The following LRRC4C variants were observed in gnomAD, a reference collection of about 807,000 sequenced individuals.
LRRC4C encodes the protein leucine rich repeat containing 4C.
Under a neutral mutation model 33.6 loss-of-function variants are expected in LRRC4C, and 5 were observed. That is an observed-to-expected ratio of 0.15 (90% confidence interval 0.08 to 0.31). The LOEUF is 0.31. Among genes scored for constraint, LRRC4C ranks in the 10% least tolerant of loss-of-function variants. LRRC4C has a pLI of 1.00. For missense variants in LRRC4C, 560 were observed against 796.7 expected (o/e 0.70, Z 3.58); for synonymous variants, 329 against 302.0 (o/e 1.09, Z -0.93).
chr11:41,433,923 A>G (rs897254163), intron 1 of LRRC4C, among the ~76,000 whole-genome samples: 5 of 152,016 alleles, frequency 3.3e-5, no homozygotes, highest in Non-Finnish European at 7.4e-5. Flanking sequence ...AGTTGCTCCC[A>G]CTAACCCATA....
At chr11:41,144,642 C>T (rs1590742230) in intron 1 of LRRC4C, among the ~76,000 whole-genome samples, 1 of 152,070 alleles carries the variant, frequency 6.6e-6, no homozygotes, top group Non-Finnish European at 1.5e-5. Flanking sequence ...TTCATTCAAC[C>T]TGTACATGGC....
At chr11:41,116,953 T>C (rs896942873) in intron 1 of LRRC4C, among the ~76,000 whole-genome samples, 1 of 152,200 alleles carries the variant, frequency 6.6e-6, no homozygotes, top group South Asian at 2.1e-4. Context: ...TGACTGCAGC[T>C]CTCACATCAA....
chr11:40,994,618 A>G (rs553035981), intron 1 of LRRC4C, among the ~76,000 whole-genome samples: 4 of 152,142 alleles, frequency 2.6e-5, no homozygotes, highest in Non-Finnish European at 4.4e-5. Flanking sequence ...TTTTCCCTAA[A>G]CTGCATCTCT....
In LRRC4C at chr11:40,205,774, C is replaced by T. The variant is rs114084165; in HGVS notation, c.-96+35745G>A. Among the ~76,000 whole-genome samples the T allele has an allele frequency of 3.0e-3, 452 of 152,184 alleles. 2 individuals are homozygous for T. The highest frequency in any genetic ancestry group is 0.01 in the African/African-American group (432 of 41,532). ...ATTTTATTATTTGACCAACTAGGTT[C>T]TTCATCAAAGAAAATATCATTAAGT... On this transcript the variant is annotated intron_variant, in intron 5 of 6. Transcript: ENST00000528697.
chr11:41,297,266 C>T (rs554359906), intron 1 of LRRC4C, among the ~76,000 whole-genome samples: 5 of 152,134 alleles, frequency 3.3e-5, no homozygotes, highest in East Asian at 3.9e-4. Flanking sequence ...CTTTTTGATG[C>T]GTTATTGGAT....
intron 4 of LRRC4C, among the ~76,000 whole-genome samples, chr11:40,244,393 C>A (rs1866166015): frequency 6.6e-6 from 1 of 152,078 alleles, no homozygotes; most frequent in African/African-American, 2.4e-5. Flanking sequence ...AAGCCCAGAT[C>A]CACCAAATAA....
chr11:40,806,769 T>C (rs903485305), intron 2 of LRRC4C, among the ~76,000 whole-genome samples: 2 of 152,224 alleles, frequency 1.3e-5, no homozygotes, highest in African/African-American at 2.4e-5. Context: ...ATCTGCTTAC[T>C]ACATCTACTA....
At chr11:40,479,705 C>T (rs1013922272) in intron 3 of LRRC4C, among the ~76,000 whole-genome samples, 1 of 152,048 alleles carries the variant, frequency 6.6e-6, no homozygotes, top group Non-Finnish European at 1.5e-5. Context: ...CTGGTATTGA[C>T]TGATCATTTT....
In LRRC4C at chr11:41,456,376, C is replaced by CT. The variant is rs112825889; in HGVS notation, c.-496+3054dup. On this transcript the variant is annotated intron_variant, in intron 1 of 6. Coordinates refer to ENST00000528697, the MANE Select transcript of LRRC4C (RefSeq NM_001258419.2). ...ACTTCTTACTAGGTGATGTTCCTGGCTTTTTTTTTTTAAAGGTTCTCAGTA... is the reference window on the plus strand; with the variant it reads ...ACTTCTTACTAGGTGATGTTCCTGGCTTTTTTTTTTTTAAAGGTTCTCAGTA... 3.2e-3 allele frequency among the ~76,000 whole-genome samples: 464 copies of CT among 146,430 alleles called. 3 individuals are homozygous for CT. The highest frequency in any genetic ancestry group is 8.0e-3 in the South Asian group (37 of 4,604).
At chr11:41,177,302 G>A (rs1465970922) in intron 1 of LRRC4C, among the ~76,000 whole-genome samples, 3 of 152,236 alleles carry the variant, frequency 2.0e-5, no homozygotes, top group Middle Eastern at 3.4e-3. Flanking sequence ...ATAGGGAAGC[G>A]TTTTTGTTGA....
intron 5 of LRRC4C, among the ~76,000 whole-genome samples, chr11:40,192,982 C>A (rs1253114900): frequency 6.6e-6 from 1 of 152,144 alleles, no homozygotes; most frequent in Non-Finnish European, 1.5e-5. Flanking sequence ...ACTGCCATCT[C>A]CCTGGGACGG....
chr11:40,758,980 TC>T (rs1306719635), intron 2 of LRRC4C, among the ~76,000 whole-genome samples: 1 of 151,232 alleles, frequency 6.6e-6, no homozygotes, highest in Non-Finnish European at 1.5e-5. Context: ...ATTCAGTCTC[TC>T]CCTCTTAATT....
intron 1 of LRRC4C, among the ~76,000 whole-genome samples, chr11:41,156,992 T>C (rs7940489): frequency 0.66 from 100,859 of 151,822 alleles, 35,140 homozygotes; most frequent in Middle Eastern, 0.79. Flanking sequence ...TGGAGAAGTG[T>C]TTGCTGTCTT....
intron 2 of LRRC4C, among the ~76,000 whole-genome samples, chr11:40,665,041 T>C (rs1422090544): frequency 6.6e-6 from 1 of 151,434 alleles, no homozygotes; most frequent in East Asian, 2.0e-4. Context: ...TTTTTGTCCT[T>C]GCGGTAGTTT....
rs749167563 is a variant in LRRC4C, at chr11:41,376,719, C to T, written c.-496+82712G>A. Among the ~76,000 whole-genome samples, 310 of 151,988 alleles carry T rather than the reference C, an allele frequency of 2.0e-3. 1 individual carries two copies. Among genetic ancestry groups the T allele is most frequent in the Non-Finnish European group, 4.2e-3 (288 of 67,954 alleles). ...TGTGTATTTGTGTATGTATAATATA[C>T]ACAATATACTGACACACACATGAAA... On this transcript the variant is annotated intron_variant, in intron 1 of 6. Transcript: ENST00000528697.
At chr11:41,158,535 C>T (rs148884830) in intron 1 of LRRC4C, among the ~76,000 whole-genome samples, 69 of 152,114 alleles carry the variant, frequency 4.5e-4, no homozygotes, top group Admixed American at 1.4e-3. Context: ...ACTCAGCCAC[C>T]GCTCCTTCTT....
intron 2 of LRRC4C, among the ~76,000 whole-genome samples, chr11:40,896,157 A>G (rs1050531197): frequency 1.3e-5 from 2 of 152,120 alleles, no homozygotes; most frequent in Admixed American, 1.3e-4. Flanking sequence ...TAATCATAAT[A>G]TAGGATTTTG....
chr11:40,288,635 G>A (rs1350967725), intron 4 of LRRC4C, among the ~76,000 whole-genome samples: 9 of 152,158 alleles, frequency 5.9e-5, no homozygotes, highest in African/African-American at 4.8e-5. Context: ...AGATTTGCAC[G>A]TGTAAACAAT....
At chr11:41,378,411 G>T (rs1953020545) in intron 1 of LRRC4C, among the ~76,000 whole-genome samples, 1 of 152,096 alleles carries the variant, frequency 6.6e-6, no homozygotes, top group Admixed American at 6.5e-5. Context: ...ACAAGGTATT[G>T]CATTAATTTT....
Sources: allele counts gnomAD v4.1 joint callset (sites outside exome capture counted in the v4.1 genomes callset), GRCh38; gene constraint gnomAD v4.1.1; transcripts MANE v1.5; gene names NCBI Gene and HGNC (gene_info 2026-07-23, HGNC 2026-07-21).